SEMA6D: variants seen among roughly 807,000 people sequenced by gnomAD.
The protein encoded by SEMA6D is semaphorin-6D.
In SEMA6D, 35 loss-of-function variants were observed where a neutral mutation model predicts 106.6. That is an observed-to-expected ratio of 0.33 (90% CI 0.25 to 0.44). The LOEUF is 0.44. Among genes scored for constraint, SEMA6D ranks in the 20% least tolerant of loss-of-function variants. SEMA6D has a pLI of 1.00. For synonymous variants in SEMA6D, 499 were observed against 487.7 expected (o/e 1.02, Z -0.31); for missense variants, 1,185 against 1,345.9 (o/e 0.88, Z 1.87).
intron 2 of SEMA6D, among the ~76,000 whole-genome samples, chr15:47,434,758 G>T (rs187952900): frequency 7.2e-5 from 11 of 152,252 alleles, no homozygotes; most frequent in African/African-American, 2.6e-4. Context: ...TGAATCATAT[G>T]TGAGGACCCA....
chr15:47,562,197 G>C (rs1412840486), intron 3 of SEMA6D, among the ~76,000 whole-genome samples: 2 of 152,030 alleles, frequency 1.3e-5, no homozygotes, highest in East Asian at 3.9e-4. Context: ...AACAGAGAAG[G>C]CATAGTCTTT....
At chr15:47,620,849 G>T (rs1008222314) in intron 4 of SEMA6D, among the ~76,000 whole-genome samples, 6 of 152,064 alleles carry the variant, frequency 3.9e-5, no homozygotes, top group African/African-American at 1.4e-4. Flanking sequence ...GCTGAGGCAG[G>T]TAAGACTCCA....
At chr15:47,648,665 G>A (rs563865877) in intron 4 of SEMA6D, among the ~76,000 whole-genome samples, 31 of 152,134 alleles carry the variant, frequency 2.0e-4, no homozygotes, top group African/African-American at 7.0e-4. Flanking sequence ...TACAGCAGCC[G>A]GCACTCACTG....
intron 1 of SEMA6D, among the ~76,000 whole-genome samples, chr15:47,204,258 A>G (rs972183809): frequency 2.6e-5 from 4 of 152,176 alleles, no homozygotes. Context: ...CAAATACAGT[A>G]TCAACAGAGA....
At chr15:47,235,183 A>G (rs1346916867) in intron 1 of SEMA6D, among the ~76,000 whole-genome samples, 2 of 151,576 alleles carry the variant, frequency 1.3e-5, no homozygotes, top group East Asian at 3.9e-4. Context: ...TTTTTATGGG[A>G]TTATTTGTTT....
intron 1 of SEMA6D, among the ~76,000 whole-genome samples, chr15:47,293,725 A>C (rs2035685737): frequency 6.6e-6 from 1 of 152,244 alleles, no homozygotes; most frequent in Admixed American, 6.5e-5. Flanking sequence ...TGGTTCATTT[A>C]GGTCTTAAAC....
intron 1 of SEMA6D, among the ~76,000 whole-genome samples, chr15:47,385,679 T>A (rs1595880888): frequency 1.1e-5 from 1 of 92,688 alleles, no homozygotes; most frequent in East Asian, 2.1e-4. Flanking sequence ...CAATAAAGAA[T>A]TTTTTTTAAA....
intron 1 of SEMA6D, among the ~76,000 whole-genome samples, chr15:47,720,261 C>CTTTTTTTTTTTTTTTTTTTTT (rs869122623): frequency 1.0e-5 from 1 of 97,164 alleles, no homozygotes. Context: ...AATAACCTTT[C>CTTTTTTTTTTTTTTTTTTTTT]TTTTTTTTTT....
intron 1 of SEMA6D, among the ~76,000 whole-genome samples, chr15:47,238,275 A>G (rs1221007413): frequency 6.6e-6 from 1 of 152,146 alleles, no homozygotes; most frequent in African/African-American, 2.4e-5. Context: ...AGCAACAACA[A>G]CAATAATGAT....
intron 3 of SEMA6D, among the ~76,000 whole-genome samples, chr15:47,556,265 CT>C (rs2045911873): frequency 6.6e-6 from 1 of 152,142 alleles, no homozygotes; most frequent in Non-Finnish European, 1.5e-5. Flanking sequence ...CAAATTATTG[CT>C]TCCATTTTTG....
chr15:47,759,948 G>A (rs747710543), intron 2 of SEMA6D, 41 bp downstream of exon 2: 7 of 1,430,212 alleles, frequency 4.9e-6, no homozygotes, highest in Non-Finnish European at 5.9e-6. Flanking sequence ...TGAGAAGGAA[G>A]CTTTTCTGTT....
chr15:47,418,231 A>C, intron 2 of SEMA6D, among the ~76,000 whole-genome samples: 1 of 152,118 alleles, frequency 6.6e-6, no homozygotes, highest in Non-Finnish European at 1.5e-5. Flanking sequence ...CAGTAAGTGC[A>C]AAAGCTCTGA....
upstream of SEMA6D, among the ~76,000 whole-genome samples, chr15:47,714,459 G>A (rs558565706): frequency 3.3e-5 from 5 of 152,306 alleles, no homozygotes; most frequent in South Asian, 1.0e-3. Context: ...CAGTTAAGAA[G>A]TTGTACTTTC....
chr15:47,225,791 A>C (rs1211806978), intron 1 of SEMA6D, among the ~76,000 whole-genome samples: 1 of 152,058 alleles, frequency 6.6e-6, no homozygotes, highest in Admixed American at 6.6e-5. Flanking sequence ...TGGCCTCCCA[A>C]AGTGCTGGGA....
intron 4 of SEMA6D, among the ~76,000 whole-genome samples, chr15:47,613,695 G>T (rs761110746): frequency 6.6e-6 from 1 of 151,998 alleles, no homozygotes; most frequent in Non-Finnish European, 1.5e-5. Flanking sequence ...ACCCAGGCTG[G>T]AGTGCTGGAG....
chr15:47,764,698 G>T lies in SEMA6D; in HGVS notation c.1158G>T (p.Pro386=). 2 of 1,614,028 alleles carry T rather than the reference G, an allele frequency of 1.2e-6. No individual in the cohort carries two copies. Among genetic ancestry groups the T allele is most frequent in the East Asian group, 4.5e-5 (2 of 44,874 alleles). Residue 386 remains proline, a synonymous_variant, in exon 12 of 19, where the codon CCG becomes CCT. Transcript: ENST00000536845. Reference sequence around the variant, plus strand: ...CTTATAAAACCTCCATCGATTTCCCGGATGAAACTCTGTCATTCATCAAAT... The same window carrying T: ...CTTATAAAACCTCCATCGATTTCCCTGATGAAACTCTGTCATTCATCAAAT... ...AEAYKTSIDF[P]DETLSFIKSH... is the part of the protein sequence containing the mutation.
chr15:47,523,160 G>T (rs1383412961), intron 3 of SEMA6D, among the ~76,000 whole-genome samples: 1 of 152,152 alleles, frequency 6.6e-6, no homozygotes, highest in African/African-American at 2.4e-5. Flanking sequence ...AAGTGCTTGG[G>T]ATCCCACTTG....
intron 3 of SEMA6D, among the ~76,000 whole-genome samples, chr15:47,548,082 TTAAGA>T (rs2045577074): frequency 6.6e-6 from 1 of 152,174 alleles, no homozygotes; most frequent in Admixed American, 6.6e-5. Context: ...AATGAGGTGC[TTAAGA>T]TAAGATGGTG....
At chr15:47,432,150 G>A (rs569951553) in intron 2 of SEMA6D, among the ~76,000 whole-genome samples, 1 of 152,164 alleles carries the variant, frequency 6.6e-6, no homozygotes, top group Admixed American at 6.5e-5. Flanking sequence ...AAAGAGCCAA[G>A]AGCAACTTCA....
Sources: allele counts gnomAD v4.1 joint callset (sites outside exome capture counted in the v4.1 genomes callset), GRCh38; gene constraint gnomAD v4.1.1; transcripts MANE v1.5; gene names NCBI Gene and HGNC (gene_info 2026-07-23, HGNC 2026-07-21).